Variants in PPFIBP1 observed in about 807,000 individuals in gnomAD.
PPFIBP1 encodes PPFIB scaffold protein 1.
Under a neutral mutation model 137.8 loss-of-function variants are expected in PPFIBP1, and 112 were observed. That is an observed-to-expected ratio of 0.81 (90% CI 0.70 to 0.95). The LOEUF (loss-of-function observed/expected upper bound fraction) is 0.95. Among genes scored for constraint, PPFIBP1 ranks in the 40% least tolerant of loss-of-function variants. The pLI, the probability that PPFIBP1 is intolerant of heterozygous loss-of-function variation, is 0.00. For missense variants in PPFIBP1, 1,083 were observed against 1,196.6 expected, an observed-to-expected ratio of 0.91 and a Z score of 1.40; for synonymous variants, 378 against 417.3, an observed-to-expected ratio of 0.91 and a Z score of 1.15.
At chr12:27,690,206 T>G (rs1345843239) in intron 27 of PPFIBP1, among the ~76,000 whole-genome samples, 1 of 151,862 alleles carries the variant, frequency 6.6e-6, no homozygotes, top group Non-Finnish European at 1.5e-5. Flanking sequence ...TGTGGAGGGA[T>G]GCAAACCCCA....
chr12:27,575,222 T>C (rs1241576566), intron 1 of PPFIBP1, among the ~76,000 whole-genome samples: 1 of 152,178 alleles, frequency 6.6e-6, no homozygotes, highest in Non-Finnish European at 1.5e-5. Context: ...AAAATGTAAA[T>C]GTATGGGTGT....
At chr12:27,538,983 G>A (rs556897276) in intron 1 of PPFIBP1, among the ~76,000 whole-genome samples, 2 of 152,284 alleles carry the variant, frequency 1.3e-5, no homozygotes, top group East Asian at 1.9e-4. Context: ...TGGTGGGTAC[G>A]TTCCAGGGAT....
intron 1 of PPFIBP1, among the ~76,000 whole-genome samples, chr12:27,562,779 C>T (rs189090005): frequency 5.3e-5 from 8 of 152,180 alleles, no homozygotes; most frequent in African/African-American, 1.2e-4. Flanking sequence ...ACTTCTGAAC[C>T]GCAATGTTGT....
chr12:27,586,891 G>C (rs1406119571), intron 2 of PPFIBP1, among the ~76,000 whole-genome samples: 1 of 152,144 alleles, frequency 6.6e-6, no homozygotes, highest in African/African-American at 2.4e-5. Context: ...GGCTGTTCTT[G>C]ATTTGTGAGA....
intron 1 of PPFIBP1, among the ~76,000 whole-genome samples, chr12:27,565,349 C>G (rs542237672): frequency 6.6e-6 from 1 of 152,288 alleles, no homozygotes; most frequent in South Asian, 2.1e-4. Flanking sequence ...CTAGAAAAAT[C>G]AAATATCTGG....
Position 27,674,737 on chromosome 12 carries a change from G to A in PPFIBP1, c.1410+516G>A, listed in dbSNP as rs114032099. On this transcript the variant is annotated intron_variant, in intron 17 of 29. Coordinates refer to ENST00000228425, the MANE Select transcript of PPFIBP1 (RefSeq NM_003622.4). ...TAGATTACCATTAGATTATACACCC[G>A]GTGCCCATCTAAAGCAAACATTTTG... Among the ~76,000 whole-genome samples the A allele has an allele frequency of 4.3e-3, 656 of 151,614 alleles. 5 individuals carry two copies. The highest frequency in any genetic ancestry group is 0.015 in the African/African-American group (613 of 41,306).
intron 7 of PPFIBP1, among the ~76,000 whole-genome samples, chr12:27,653,477 C>T (rs2059003311): frequency 6.6e-6 from 1 of 151,272 alleles, no homozygotes; most frequent in Non-Finnish European, 1.5e-5. Flanking sequence ...ATCCCATCTA[C>T]TGGGGAGGCT....
At chr12:27,587,181 G>A (rs1340702811) in intron 2 of PPFIBP1, among the ~76,000 whole-genome samples, 4 of 152,176 alleles carry the variant, frequency 2.6e-5, no homozygotes, top group African/African-American at 9.7e-5. Flanking sequence ...TTTGCAGCCA[G>A]CTGTGAACCC....
chr12:27,583,347 T>G (rs2051337609), intron 2 of PPFIBP1, among the ~76,000 whole-genome samples: 1 of 152,192 alleles, frequency 6.6e-6, no homozygotes, highest in South Asian at 2.1e-4. Flanking sequence ...TCCAATACAT[T>G]GAAGTCCGGA....
At chr12:27,622,560 G>A (rs893199113) in intron 2 of PPFIBP1, among the ~76,000 whole-genome samples, 2 of 152,200 alleles carry the variant, frequency 1.3e-5, no homozygotes, top group Non-Finnish European at 2.9e-5. Context: ...GTTTTCAAAC[G>A]TTTTTAACCC....
chr12:27,667,124 C>T, intron 12 of PPFIBP1, 42 bp from the exon 13 acceptor site: 2 of 1,458,304 alleles, frequency 1.4e-6, no homozygotes, highest in Non-Finnish European at 1.8e-6. Flanking sequence ...AAATATAAAT[C>T]AAAAGCTGCT....
chr12:27,672,275 T>C lies in PPFIBP1; in HGVS notation c.1263-152T>C, dbSNP rs984106220. 20 of 650,512 alleles carry C rather than the reference T, an allele frequency of 3.1e-5. No individual in the cohort carries two copies. In the Admixed American group the frequency reaches 4.9e-4, roughly 16 times the overall value. 40.3% of individuals were successfully genotyped at this position (650,512 alleles called of 1,614,324 possible). A position where few individuals can be genotyped will look rare whatever the true frequency, so the allele number is the denominator to read the frequency against. ...GCCAACATATTCCCAGATTGTCTAG[T>C]CTTATTTTAGGCCAAATAAAATAGG... On this transcript the variant is annotated intron_variant, in intron 14 of 29. Transcript: ENST00000228425.
At position 27,692,877 on chromosome 12, in the gene PPFIBP1, G is replaced by A. The variant is rs778220729; in HGVS notation, c.3013G>A (p.Val1005Ile). The A allele has an allele frequency of 3.1e-6, 5 of 1,614,060 alleles. No homozygotes were observed. In the South Asian group the frequency reaches 3.3e-5, roughly 11 times the overall value. ...CAGCATTACAGATGAAGACTCAAAC[G>A]TTTGACCGTAGCACCTGGATGAACA... is the stretch of plus-strand genomic sequence containing the variant. ...SASITDEDSN[V>I] The change falls in exon 30 of 30, where the codon GTT becomes ATT. Residue 1005 changes from valine to isoleucine, a missense_variant. Transcript: ENST00000228425.
chr12:27,647,307 C>CT (rs1308845595), intron 5 of PPFIBP1, among the ~76,000 whole-genome samples: 1 of 141,832 alleles, frequency 7.1e-6, no homozygotes, highest in Admixed American at 6.7e-5. Flanking sequence ...GCTACCTCTC[C>CT]CCCCTACCCC....
chr12:27,676,503 G>A lies in PPFIBP1; in HGVS notation c.1486G>A (p.Asp496Asn). Residue 496 changes from aspartate to asparagine, a missense_variant, in exon 18 of 30, where the codon GAC becomes AAC. By Grantham distance (23) the Asp-to-Asn change is conservative. Coordinates refer to ENST00000228425, the MANE Select transcript of PPFIBP1 (RefSeq NM_003622.4). ...RPPGQDTSMDDNPFGTRKVRS... is the reference protein window; with the variant it reads ...RPPGQDTSMDNNPFGTRKVRS... ...CCCAGGGCAGGACACCTCCATGGAT[G>A]ACAACCCCTTCGGCACTCGAAAAGT... The A allele has an allele frequency of 6.2e-7, 1 of 1,609,650 alleles. No homozygotes were observed. The highest frequency in any genetic ancestry group is 8.5e-7 in the Non-Finnish European group (1 of 1,177,468).
intron 27 of PPFIBP1, among the ~76,000 whole-genome samples, chr12:27,690,562 A>G (rs115339844): frequency 0.017 from 2,556 of 152,324 alleles, 59 homozygotes; most frequent in African/African-American, 0.058. Flanking sequence ...TGATTGAGCT[A>G]TGAGCATGCT....
chr12:27,677,236 C>A, intron 19 of PPFIBP1, 140 bp downstream of exon 19: 1 of 1,061,098 alleles, frequency 9.4e-7, no homozygotes, highest in Non-Finnish European at 1.4e-6. Flanking sequence ...GTGTTCTTTC[C>A]ACCTTCTGCT....
In PPFIBP1 at chr12:27,667,297, T is replaced by C. The variant is rs2059915520; in HGVS notation, c.1123T>C (p.Phe375Leu). 8 of 1,606,616 alleles carry C rather than the reference T, an allele frequency of 5.0e-6. No individual in the cohort carries two copies. Among genetic ancestry groups the C allele is most frequent in the Non-Finnish European group, 6.8e-6 (8 of 1,177,744 alleles). ...PVMGSPSCDP[F>L]NTSVPEEFHT... ...AATGGGATCTCCCAGTTGTGACCCA[T>C]TTAACACAAGTGTTCCCGAAGAGGT... Residue 375 changes from phenylalanine to leucine, a missense_variant, in exon 13 of 30, where the codon TTT becomes CTT. By Grantham distance (22) the Phe-to-Leu change is conservative (BLOSUM62 0). Transcript: ENST00000228425.
chr12:27,587,725 A>AT (rs1287478769), intron 2 of PPFIBP1, among the ~76,000 whole-genome samples: 1 of 150,368 alleles, frequency 6.7e-6, no homozygotes, highest in African/African-American at 2.4e-5. Context: ...TTTTCTTTAT[A>AT]TTTTCCCCAT....
Sources: gnomAD v4.1 joint callset for allele counts (sites outside exome capture counted in the v4.1 genomes callset) on GRCh38, gnomAD v4.1.1 for gene constraint, MANE v1.5 for transcripts, NCBI Gene and HGNC (gene_info 2026-07-23, HGNC 2026-07-21) for gene names.